Variants in HSD17B12 observed in about 807,000 individuals in gnomAD.
HSD17B12 encodes hydroxysteroid 17-beta dehydrogenase 12.
A neutral mutation model predicts 39.3 loss-of-function variants in HSD17B12; 32 were observed. The observed-to-expected ratio is 0.81, with a 90% CI of 0.61 to 1.09. The LOEUF (loss-of-function observed/expected upper bound fraction) is 1.09. Ranked by LOEUF, HSD17B12 falls within the 50% of genes least tolerant of loss-of-function variation. HSD17B12 has a pLI of 0.00. For missense variants in HSD17B12, 342 were observed against 382.9 expected, an observed-to-expected ratio of 0.89 and a Z score of 0.89; for synonymous variants, 150 against 146.7, an observed-to-expected ratio of 1.02 and a Z score of -0.16.
intron 4 of HSD17B12, among the ~76,000 whole-genome samples, chr11:43,804,368 T>C (rs1565095649): frequency 6.6e-6 from 1 of 152,204 alleles, no homozygotes; most frequent in Non-Finnish European, 1.5e-5. Flanking sequence ...ACTTTAGTCA[T>C]CCATCGACTT....
At chr11:43,824,394 C>T (rs1297265728) in intron 6 of HSD17B12, among the ~76,000 whole-genome samples, 2 of 152,214 alleles carry the variant, frequency 1.3e-5, no homozygotes, top group Non-Finnish European at 2.9e-5. Flanking sequence ...GCTGCTCTAA[C>T]AAAATACCTT....
the HSD17B12 span, among the ~76,000 whole-genome samples, chr11:43,631,543 G>C: frequency 4.2e-4 from 63 of 151,028 alleles, no homozygotes; most frequent in African/African-American, 1.2e-3. Flanking sequence ...CTCTCTCTCT[G>C]TGTGTGTGTG....
At chr11:43,700,953 C>T (rs777928784) in intron 1 of HSD17B12, among the ~76,000 whole-genome samples, 8 of 152,148 alleles carry the variant, frequency 5.3e-5, no homozygotes, top group African/African-American at 9.7e-5. Context: ...TTCCCACCAA[C>T]GGTGTACAGG....
rs1287811159 is a variant in HSD17B12, at chr11:43,838,363, C to G, written c.583C>G (p.Pro195Ala). 9.9e-6 allele frequency: 16 copies of G among 1,613,156 alleles called. No individual in the cohort carries two copies. The highest frequency in any genetic ancestry group is 1.4e-5 in the Non-Finnish European group (16 of 1,179,330). The change falls in exon 8 of 11, where the codon CCT (proline) becomes GCT (alanine). Residue 195 changes from proline (P) to alanine (A), a missense_variant. Pro to Ala is a conservative substitution (Grantham distance 27, BLOSUM62 -1). Transcript: ENST00000278353. The part of the protein sequence containing the change: ...LNISSGSGML[P>A]VPLLTIYSAT... ...CATTTCATCTGGCAGTGGCATGCTC[C>G]CTGTCCCACTCTTGACCATCTATTC...
chr11:43,708,062 C>G (rs1311619634), intron 1 of HSD17B12, among the ~76,000 whole-genome samples: 2 of 152,152 alleles, frequency 1.3e-5, no homozygotes, highest in Admixed American at 6.5e-5. Context: ...AAGGCCCCAC[C>G]CGCAGATACC....
At chr11:43,670,834 A>G in the HSD17B12 span, among the ~76,000 whole-genome samples, 1 of 151,890 alleles carries the variant, frequency 6.6e-6, no homozygotes, top group African/African-American at 2.4e-5. Context: ...GCAGTGAGCT[A>G]TGATCATACC....
intron 7 of HSD17B12, chr11:43,833,097 G>A (rs1188355085): frequency 6.6e-6 from 1 of 151,802 alleles, no homozygotes; most frequent in African/African-American, 2.4e-5. Flanking sequence ...AGAAATGGTG[G>A]GAAGTTTTCA....
chr11:43,818,851 A>T (rs1951154821), intron 6 of HSD17B12, among the ~76,000 whole-genome samples: 1 of 152,318 alleles, frequency 6.6e-6, no homozygotes, highest in South Asian at 2.1e-4. Context: ...GCTGATACAG[A>T]TTTTAATAAT....
intron 6 of HSD17B12, among the ~76,000 whole-genome samples, chr11:43,828,282 A>C (rs1365110988): frequency 2.0e-5 from 3 of 147,798 alleles, no homozygotes; most frequent in Non-Finnish European, 4.5e-5. Context: ...AGCTGGGACT[A>C]CAGGCGCCCG....
At chr11:43,771,072 G>A (rs1215089757) in intron 3 of HSD17B12, among the ~76,000 whole-genome samples, 1 of 152,100 alleles carries the variant, frequency 6.6e-6, no homozygotes, top group African/African-American at 2.4e-5. Flanking sequence ...AGAATCACAC[G>A]CTCCCTACTA....
At chr11:43,689,831 G>A (rs1317203147) in intron 1 of HSD17B12, among the ~76,000 whole-genome samples, 1 of 152,102 alleles carries the variant, frequency 6.6e-6, no homozygotes, top group Non-Finnish European at 1.5e-5. Context: ...TTACAGGTGT[G>A]AGCCACCGCA....
the HSD17B12 span, among the ~76,000 whole-genome samples, chr11:43,656,691 T>C: frequency 6.6e-6 from 1 of 152,224 alleles, no homozygotes; most frequent in Non-Finnish European, 1.5e-5. Flanking sequence ...GGTGTTCAGT[T>C]TTCATGTAGT....
At chr11:43,636,748 A>G in the HSD17B12 span, among the ~76,000 whole-genome samples, 4 of 152,172 alleles carry the variant, frequency 2.6e-5, no homozygotes, top group African/African-American at 7.2e-5. Flanking sequence ...TCACAACTCT[A>G]TAGATATTCT....
intron 6 of HSD17B12, among the ~76,000 whole-genome samples, chr11:43,823,059 T>G (rs535234054): frequency 3.6e-4 from 54 of 152,104 alleles, no homozygotes; most frequent in Admixed American, 9.8e-4. Flanking sequence ...TTACTTTTTT[T>G]GGGGGGGTCA....
At position 43,816,996 on chromosome 11, in the gene HSD17B12, A is replaced by T. The variant is rs1359059638; in HGVS notation, c.501+605A>T. ...TTCCATCATATATATCTATATCTAT[A>T]TCTATATCTATATCTATATCTATAT... is the stretch of plus-strand genomic sequence containing the variant. On this transcript the variant is annotated intron_variant, in intron 6 of 10. Coordinates refer to ENST00000278353, the MANE Select transcript of HSD17B12 (RefSeq NM_016142.3). Among the ~76,000 whole-genome samples the T allele has an allele frequency of 5.8e-5, 3 of 51,808 alleles. No individual in the cohort carries two copies. In the East Asian group the frequency reaches 2.0e-3, roughly 35 times the overall value. The allele number at this position is 51,808 out of a possible 152,430, so 34.0% of individuals were successfully genotyped here.
intron 1 of HSD17B12, among the ~76,000 whole-genome samples, chr11:43,682,755 A>G (rs747579249): frequency 2.6e-5 from 4 of 151,628 alleles, no homozygotes; most frequent in Non-Finnish European, 5.9e-5. Flanking sequence ...GTAAGCAAAG[A>G]CTAATGTTAA....
the HSD17B12 span, among the ~76,000 whole-genome samples, chr11:43,563,475 T>C: frequency 6.6e-6 from 1 of 152,224 alleles, no homozygotes; most frequent in African/African-American, 2.4e-5. Flanking sequence ...AATGTGTTAA[T>C]TGGTGTGGAA....
intron 3 of HSD17B12, among the ~76,000 whole-genome samples, chr11:43,780,366 C>A (rs941649554): frequency 1.3e-5 from 2 of 152,076 alleles, no homozygotes; most frequent in African/African-American, 4.8e-5. Context: ...CGGGGTTTCA[C>A]CATGTTGACC....
the HSD17B12 span, chr11:43,644,834 A>G: frequency 6.6e-6 from 1 of 152,284 alleles, no homozygotes; most frequent in Non-Finnish European, 1.5e-5. Context: ...CTCGTTTGCT[A>G]ATGCTGAAAG....
Sources: gnomAD v4.1 joint callset for allele counts (sites outside exome capture counted in the v4.1 genomes callset) on GRCh38, gnomAD v4.1.1 for gene constraint, MANE v1.5 for transcripts, NCBI Gene and HGNC (gene_info 2026-07-23, HGNC 2026-07-21) for gene names.